KCNIP4: variants seen among roughly 807,000 people sequenced by gnomAD.
KCNIP4 encodes Kv channel-interacting protein 4.
Under a neutral mutation model 34.0 loss-of-function variants are expected in KCNIP4, and 12 were observed. That is an observed-to-expected ratio of 0.35 (90% CI 0.23 to 0.57). The LOEUF (loss-of-function observed/expected upper bound fraction) is 0.57. Among genes scored for constraint, KCNIP4 ranks in the 20% least tolerant of loss-of-function variants. KCNIP4 has a pLI of 0.83. For missense variants in KCNIP4, 238 were observed against 311.7 expected (o/e 0.76, Z 1.78); for synonymous variants, 124 against 102.2 (o/e 1.21, Z -1.29).
intron 2 of KCNIP4, among the ~76,000 whole-genome samples, chr4:20,874,204 T>G (rs941789640): frequency 6.6e-6 from 1 of 152,222 alleles, no homozygotes; most frequent in African/African-American, 2.4e-5. Context: ...CCAGAAGGGA[T>G]AAGTAGCTTA....
At chr4:21,526,145 C>T (rs990592079) in intron 1 of KCNIP4, among the ~76,000 whole-genome samples, 1 of 152,100 alleles carries the variant, frequency 6.6e-6, no homozygotes, top group African/African-American at 2.4e-5. Context: ...TGTGTCCCCA[C>T]CCAAATCACA....
At chr4:21,886,463 C>T (rs927648612) in intron 1 of KCNIP4, among the ~76,000 whole-genome samples, 2 of 152,138 alleles carry the variant, frequency 1.3e-5, no homozygotes, top group African/African-American at 4.8e-5. Flanking sequence ...CTAAAATGTA[C>T]TGCCCCTCTT....
At chr4:21,173,253 G>A (rs532320938) in intron 1 of KCNIP4, among the ~76,000 whole-genome samples, 13 of 152,086 alleles carry the variant, frequency 8.5e-5, no homozygotes, top group Non-Finnish European at 1.5e-4. Context: ...ATATTAAAAA[G>A]TGCTAGGTTT....
intron 1 of KCNIP4, among the ~76,000 whole-genome samples, chr4:21,611,532 C>T (rs1744156547): frequency 6.6e-6 from 1 of 152,050 alleles, no homozygotes; most frequent in African/African-American, 2.4e-5. Flanking sequence ...TATCAGTGAG[C>T]AATTAAGGAA....
chr4:21,033,175 T>G (rs1455341496), intron 1 of KCNIP4, among the ~76,000 whole-genome samples: 3 of 152,166 alleles, frequency 2.0e-5, no homozygotes, highest in Non-Finnish European at 4.4e-5. Flanking sequence ...GATTTTAAAT[T>G]TTCTACAAGT....
At chr4:21,263,509 G>C (rs898460368) in intron 1 of KCNIP4, among the ~76,000 whole-genome samples, 2 of 152,124 alleles carry the variant, frequency 1.3e-5, no homozygotes, top group East Asian at 3.9e-4. Context: ...CTTCAAAGTA[G>C]AGGGCCAAAT....
intron 1 of KCNIP4, among the ~76,000 whole-genome samples, chr4:21,071,253 T>C (rs924575265): frequency 7.9e-5 from 12 of 152,196 alleles, no homozygotes; most frequent in Middle Eastern, 3.2e-3. Flanking sequence ...ATTGTTCATT[T>C]TAAGTTAATT....
At chr4:21,118,857 G>A (rs1749906775) in intron 1 of KCNIP4, among the ~76,000 whole-genome samples, 1 of 152,120 alleles carries the variant, frequency 6.6e-6, no homozygotes, top group Non-Finnish European at 1.5e-5. Context: ...AGGAGACAGA[G>A]GCTTGACTTC....
intron 1 of KCNIP4, among the ~76,000 whole-genome samples, chr4:21,738,463 T>G (rs1040602224): frequency 5.3e-5 from 8 of 152,172 alleles, no homozygotes; most frequent in Non-Finnish European, 1.2e-4. Context: ...ATCTCAGTCT[T>G]CTAAAAAGAG....
At chr4:21,305,404 T>C (rs1052586255) in intron 1 of KCNIP4, among the ~76,000 whole-genome samples, 1 of 152,212 alleles carries the variant, frequency 6.6e-6, no homozygotes, top group African/African-American at 2.4e-5. Flanking sequence ...CATCACTCTG[T>C]TGAGGGAATT....
chr4:21,440,853 T>G (rs1727408155), intron 1 of KCNIP4, among the ~76,000 whole-genome samples: 2 of 152,204 alleles, frequency 1.3e-5, no homozygotes, highest in South Asian at 4.1e-4. Context: ...GCAAAACAAA[T>G]CAAAACAAAC....
Position 21,890,686 on chromosome 4 carries a change from C to T in KCNIP4, c.61+57885G>A, listed in dbSNP as rs892645650. Among the ~76,000 whole-genome samples the T allele has an allele frequency of 2.0e-5, 3 of 152,182 alleles. No homozygotes were observed. The East Asian group carries it at 5.8e-4, about 29-fold the overall frequency. On this transcript the variant is annotated intron_variant, in intron 1 of 8. Transcript: ENST00000382152. ...CATACTTGTATTAAGCACATCATGT[C>T]TATTATATTATTTAATCTAATGGAA...
At chr4:20,775,094 G>A (rs1282717388) in intron 3 of KCNIP4, among the ~76,000 whole-genome samples, 1 of 151,982 alleles carries the variant, frequency 6.6e-6, no homozygotes, top group African/African-American at 2.4e-5. Context: ...TGTGTATCAG[G>A]CTCTCTGTTA....
At chr4:21,293,423 C>G (rs549945166) in intron 1 of KCNIP4, among the ~76,000 whole-genome samples, 1 of 152,132 alleles carries the variant, frequency 6.6e-6, no homozygotes, top group Non-Finnish European at 1.5e-5. Context: ...CCTGTAAGTC[C>G]GAGTTCAACT....
At chr4:20,983,121 T>C (rs1004086449) in intron 1 of KCNIP4, among the ~76,000 whole-genome samples, 3 of 152,194 alleles carry the variant, frequency 2.0e-5, no homozygotes, top group Admixed American at 1.3e-4. Context: ...AACTCTCCAA[T>C]CTTTGAATAA....
At chr4:21,137,171 A>G (rs1751563253) in intron 1 of KCNIP4, among the ~76,000 whole-genome samples, 1 of 152,218 alleles carries the variant, frequency 6.6e-6, no homozygotes. Flanking sequence ...CAAGGCCAGA[A>G]AGACCCTGAA....
chr4:21,651,208 G>C (rs966886200), intron 1 of KCNIP4, among the ~76,000 whole-genome samples: 1 of 152,168 alleles, frequency 6.6e-6, no homozygotes, highest in Non-Finnish European at 1.5e-5. Context: ...TATTCTACAA[G>C]AGCATGGTTC....
At chr4:21,015,831 T>C (rs1012832887) in intron 1 of KCNIP4, among the ~76,000 whole-genome samples, 2 of 137,092 alleles carry the variant, frequency 1.5e-5, no homozygotes, top group African/African-American at 5.3e-5. Flanking sequence ...ATAAAATATA[T>C]ACAATATATA....
At chr4:21,715,958 A>G (rs1181234643) in intron 1 of KCNIP4, among the ~76,000 whole-genome samples, 1 of 152,206 alleles carries the variant, frequency 6.6e-6, no homozygotes, top group Non-Finnish European at 1.5e-5. Flanking sequence ...AAATCAGGTT[A>G]CTTTGATACG....
Sources: gnomAD v4.1 joint callset for allele counts (sites outside exome capture counted in the v4.1 genomes callset) on GRCh38, gnomAD v4.1.1 for gene constraint, MANE v1.5 for transcripts, NCBI Gene and HGNC (gene_info 2026-07-23, HGNC 2026-07-21) for gene names.